LYPLAL1: variants seen among roughly 807,000 people sequenced by gnomAD.
The protein encoded by LYPLAL1 is lysophospholipase-like protein 1.
In LYPLAL1, 23 loss-of-function variants were observed where a neutral mutation model predicts 19.7. The observed-to-expected ratio is 1.17, with a 90% CI of 0.84 to 1.65. LYPLAL1 has a LOEUF of 1.65. Among genes scored for constraint, LYPLAL1 ranks in the 40% most tolerant of loss-of-function variants. The pLI is 0.00. For missense variants in LYPLAL1, 355 were observed against 279.4 expected (o/e 1.27, Z -1.93); for synonymous variants, 119 against 96.3 (o/e 1.24, Z -1.38).
the LYPLAL1 span, among the ~76,000 whole-genome samples, chr1:219,423,185 T>G: frequency 3.9e-5 from 6 of 152,292 alleles, no homozygotes; most frequent in East Asian, 9.6e-4. Context: ...ACATCATTAC[T>G]CAGGGCTGAG....
At chr1:219,191,941 C>CT (rs1445000193) in intron 2 of LYPLAL1, among the ~76,000 whole-genome samples, 1 of 151,442 alleles carries the variant, frequency 6.6e-6, no homozygotes, top group Non-Finnish European at 1.5e-5. Flanking sequence ...GTCAGTTCAA[C>CT]TTTCTTGTTT....
chr1:219,366,749 G>C, the LYPLAL1 span, among the ~76,000 whole-genome samples: 1 of 152,050 alleles, frequency 6.6e-6, no homozygotes, highest in Non-Finnish European at 1.5e-5. Context: ...GAGGAAAACT[G>C]TATGGATGGG....
the LYPLAL1 span, among the ~76,000 whole-genome samples, chr1:219,377,801 G>A: frequency 9.2e-5 from 14 of 152,038 alleles, no homozygotes; most frequent in East Asian, 1.9e-4. Context: ...TCACAAATTC[G>A]TAATTTTTCA....
the LYPLAL1 span, among the ~76,000 whole-genome samples, chr1:219,328,593 T>C: frequency 2.0e-5 from 3 of 152,170 alleles, no homozygotes; most frequent in South Asian, 4.1e-4. Context: ...ATACTTGATA[T>C]AGAAATAAAT....
At chr1:219,264,562 GT>G in the LYPLAL1 span, among the ~76,000 whole-genome samples, 1 of 152,164 alleles carries the variant, frequency 6.6e-6, no homozygotes, top group African/African-American at 2.4e-5. Context: ...TGGTCTTTGG[GT>G]CTGTCTGTTT....
the LYPLAL1 span, among the ~76,000 whole-genome samples, chr1:219,281,472 G>A: frequency 6.6e-6 from 1 of 152,176 alleles, no homozygotes; most frequent in Non-Finnish European, 1.5e-5. Flanking sequence ...AATTCACCCT[G>A]TAAAACCCAG....
the LYPLAL1 span, among the ~76,000 whole-genome samples, chr1:219,306,811 T>TATAGATAGATAG: frequency 4.7e-3 from 625 of 132,512 alleles, 1 homozygote; most frequent in African/African-American, 7.9e-3. Flanking sequence ...CATAGATAGA[T>TATAGATAGATAG]ATAGATAGAT....
the LYPLAL1 span, among the ~76,000 whole-genome samples, chr1:219,278,674 C>A: frequency 1.6e-5 from 1 of 62,136 alleles, no homozygotes; most frequent in African/African-American, 5.4e-5. Flanking sequence ...ACATAAAAAT[C>A]ACTAAACAAC....
chr1:219,422,648 G>A, the LYPLAL1 span, among the ~76,000 whole-genome samples: 2 of 152,102 alleles, frequency 1.3e-5, no homozygotes, highest in Non-Finnish European at 2.9e-5. Flanking sequence ...TTAATAATGG[G>A]AGAGCAAAAA....
intron 2 of LYPLAL1, among the ~76,000 whole-genome samples, chr1:219,180,042 G>A (rs750075607): frequency 3.0e-4 from 45 of 151,940 alleles, no homozygotes; most frequent in South Asian, 6.2e-4. Flanking sequence ...TGTTGCCTAG[G>A]CTGGAGTGCA....
the LYPLAL1 span, among the ~76,000 whole-genome samples, chr1:219,393,137 G>T: frequency 6.6e-6 from 1 of 152,174 alleles, no homozygotes; most frequent in South Asian, 2.1e-4. Flanking sequence ...CTAAAGCCTT[G>T]CACATATCTT....
At chr1:219,427,898 C>A in the LYPLAL1 span, among the ~76,000 whole-genome samples, 1 of 152,198 alleles carries the variant, frequency 6.6e-6, no homozygotes. Flanking sequence ...TTTCTTGTAA[C>A]TTTGGCCTTT....
chr1:219,343,100 A>G, the LYPLAL1 span, among the ~76,000 whole-genome samples: 1 of 152,202 alleles, frequency 6.6e-6, no homozygotes, highest in African/African-American at 2.4e-5. Context: ...AAGCTGGAGC[A>G]TCTGTAATAT....
the LYPLAL1 span, among the ~76,000 whole-genome samples, chr1:219,433,200 C>T: frequency 6.6e-6 from 1 of 152,144 alleles, no homozygotes; most frequent in Non-Finnish European, 1.5e-5. Flanking sequence ...TCTAGTTATT[C>T]TTAAAACTAC....
At chr1:219,339,693 C>G in the LYPLAL1 span, among the ~76,000 whole-genome samples, 1 of 151,928 alleles carries the variant, frequency 6.6e-6, no homozygotes, top group Admixed American at 6.6e-5. Flanking sequence ...CTTTGGAAGA[C>G]TGTTTAGAAA....
At chr1:219,430,363 T>C in the LYPLAL1 span, among the ~76,000 whole-genome samples, 4 of 151,784 alleles carry the variant, frequency 2.6e-5, no homozygotes, top group South Asian at 2.1e-4. Context: ...TTCCATTATG[T>C]GATGCTTTGA....
the LYPLAL1 span, among the ~76,000 whole-genome samples, chr1:219,434,083 G>A: frequency 1.3e-5 from 2 of 152,200 alleles, no homozygotes; most frequent in East Asian, 1.9e-4. Context: ...AATACCACGT[G>A]GAAAAAGAAG....
the LYPLAL1 span, among the ~76,000 whole-genome samples, chr1:219,371,113 T>C: frequency 6.6e-6 from 1 of 152,186 alleles, no homozygotes; most frequent in African/African-American, 2.4e-5. Flanking sequence ...ACACCTAGAA[T>C]CATTATTGGC....
chr1:219,412,216 C>T, the LYPLAL1 span, among the ~76,000 whole-genome samples: 7 of 152,068 alleles, frequency 4.6e-5, no homozygotes, highest in African/African-American at 1.7e-4. Context: ...TTTGTAGAGA[C>T]TCAATCTCAC....
Sources: allele counts gnomAD v4.1 joint callset (sites outside exome capture counted in the v4.1 genomes callset), GRCh38; gene constraint gnomAD v4.1.1; transcripts MANE v1.5; gene names NCBI Gene and HGNC (gene_info 2026-07-23, HGNC 2026-07-21).